The following WNT3 variants were observed in gnomAD, a reference collection of about 807,000 sequenced individuals.
WNT3 encodes the protein proto-oncogene Wnt-3.
WNT3 carries 7 observed loss-of-function variants against 34.2 expected under a neutral mutation model. That is an observed-to-expected ratio of 0.20 (90% CI 0.12 to 0.38). WNT3 has a LOEUF of 0.38. Among genes scored for constraint, WNT3 ranks in the 10% least tolerant of loss-of-function variants. The pLI is 1.00. For synonymous variants in WNT3, 212 were observed against 211.5 expected, an observed-to-expected ratio of 1.00 and a Z score of -0.02; for missense variants, 267 against 499.8, an observed-to-expected ratio of 0.53 and a Z score of 4.44.
chr17:46,792,928 C>A (rs1279502772), intron 1 of WNT3, among the ~76,000 whole-genome samples: 1 of 151,826 alleles, frequency 6.6e-6, no homozygotes, highest in African/African-American at 2.4e-5. Flanking sequence ...AGTGACTCGT[C>A]TAAAGTCACA....
intron 1 of WNT3, among the ~76,000 whole-genome samples, chr17:46,789,892 C>T (rs1315891705): frequency 6.6e-6 from 1 of 152,196 alleles, no homozygotes; most frequent in African/African-American, 2.4e-5. Flanking sequence ...GCAACGATTC[C>T]ACTCTCTACC....
chr17:46,777,300 C>A (rs145844106), intron 1 of WNT3, among the ~76,000 whole-genome samples: 12 of 152,398 alleles, frequency 7.9e-5, no homozygotes, highest in Admixed American at 2.0e-4. Context: ...GAAAGCCAGG[C>A]CGGCTGGCTT....
At chr17:46,799,532 C>G (rs2084098145) in intron 1 of WNT3, among the ~76,000 whole-genome samples, 1 of 151,554 alleles carries the variant, frequency 6.6e-6, no homozygotes, top group South Asian at 2.1e-4. Context: ...ACTGCAACCT[C>G]CGCCTCCCAG....
intron 3 of WNT3, 124 bp downstream of exon 3, chr17:46,769,659 C>T (rs1400672841): frequency 1.5e-6 from 2 of 1,358,746 alleles, no homozygotes; most frequent in Non-Finnish European, 2.0e-6. Flanking sequence ...CAAGCCTGGC[C>T]AAGGGGAAAA....
At chr17:46,786,444 G>A (rs989459225) in intron 1 of WNT3, among the ~76,000 whole-genome samples, 3 of 152,214 alleles carry the variant, frequency 2.0e-5, no homozygotes, top group East Asian at 3.9e-4. Flanking sequence ...GCCCAGAGGG[G>A]TGTCCAGAGA....
intron 1 of WNT3, among the ~76,000 whole-genome samples, chr17:46,806,882 T>C (rs1026238204): frequency 4.6e-5 from 7 of 152,216 alleles, no homozygotes; most frequent in Admixed American, 3.9e-4. Context: ...GCCCTCACGA[T>C]GGCTGCTGGG....
chr17:46,764,528 TCTGACG>T lies in WNT3; in HGVS notation c.*96_*101del, dbSNP rs2059296415. 1 of 152,282 alleles carries T rather than the reference TCTGACG, an allele frequency of 6.6e-6. No individual in the cohort carries two copies. The highest frequency in any genetic ancestry group is 2.4e-5 in the African/African-American group (1 of 41,464). The allele number at this position is 152,282 out of a possible 1,614,324, so 9.4% of individuals were successfully genotyped here. A position where few individuals can be genotyped will look rare whatever the true frequency, so the allele number is the denominator to read the frequency against. On this transcript the variant is annotated 3_prime_UTR_variant, in exon 5 of 5. Transcript: ENST00000225512. ...TGCGGCTGGTGACAGTTCCTTGCTGTCTGACGCTGAGGGCTGTGCCCGGCTCTAGGT... is the reference window on the plus strand; with the variant it reads ...TGCGGCTGGTGACAGTTCCTTGCTGTCTGAGGGCTGTGCCCGGCTCTAGGT...
chr17:46,788,530 C>T (rs548016089), intron 1 of WNT3, among the ~76,000 whole-genome samples: 1 of 152,318 alleles, frequency 6.6e-6, no homozygotes, highest in African/African-American at 2.4e-5. Flanking sequence ...CCTCAAGGTC[C>T]CATGTTTAAA....
rs755339216 is a variant in WNT3, at chr17:46,769,770, T to C, written c.588+13A>G. On this transcript the variant is annotated intron_variant, in intron 3 of 4. Coordinates refer to ENST00000225512, the MANE Select transcript of WNT3 (RefSeq NM_030753.5). The stretch of plus-strand genomic sequence containing the variant: ...TGCTCCCTGAAGGGTTTGGGGAGGG[T>C]AGCCGGGCTCACCGTGCGGCCCGCC... The C allele has an allele frequency of 8.7e-6, 14 of 1,608,278 alleles. No homozygotes were observed. In the African/African-American group the frequency reaches 1.6e-4, roughly 18 times the overall value.
Position 46,818,677 on chromosome 17 carries a change from A to T in WNT3, c.-80T>A. On this transcript the variant is annotated 5_prime_UTR_variant, in exon 1 of 5. Transcript: ENST00000225512. ...GCCCCCAATAGTTGGAACAAAGTCC[A>T]CTTGAGATTGGAAATGACTTTCGGG... 1 of 1,337,130 alleles carries T rather than the reference A, an allele frequency of 7.5e-7. No individual in the cohort carries two copies. The highest frequency in any genetic ancestry group is 1.1e-6 in the Non-Finnish European group (1 of 952,046). 82.8% of individuals were successfully genotyped at this position (1,337,130 alleles called of 1,614,324 possible). A position where few individuals can be genotyped will look rare whatever the true frequency, so the allele number is the denominator to read the frequency against.
intron 1 of WNT3, among the ~76,000 whole-genome samples, chr17:46,791,999 C>A (rs1244476974): frequency 6.6e-6 from 1 of 152,142 alleles, no homozygotes; most frequent in Non-Finnish European, 1.5e-5. Context: ...GTGATTGCAC[C>A]ACTGCACTCC....
chr17:46,775,233 G>C (rs2059403816), intron 1 of WNT3, among the ~76,000 whole-genome samples: 1 of 152,228 alleles, frequency 6.6e-6, no homozygotes, highest in African/African-American at 2.4e-5. Flanking sequence ...CTATCTCCTG[G>C]ACTAGGAAAC....
chr17:46,797,575 A>C (rs2084071204), intron 1 of WNT3, among the ~76,000 whole-genome samples: 1 of 152,226 alleles, frequency 6.6e-6, no homozygotes, highest in Non-Finnish European at 1.5e-5. Flanking sequence ...ACCTCTTTGG[A>C]AAACAGTTTG....
chr17:46,769,010 G>A (rs920765704), intron 3 of WNT3, among the ~76,000 whole-genome samples: 7 of 152,170 alleles, frequency 4.6e-5, no homozygotes, highest in African/African-American at 1.2e-4. Flanking sequence ...TAGACAGCAC[G>A]TCCACTTCTC....
intron 1 of WNT3, among the ~76,000 whole-genome samples, chr17:46,790,788 C>G (rs532219850): frequency 6.6e-6 from 1 of 152,252 alleles, no homozygotes; most frequent in African/African-American, 2.4e-5. Context: ...CACGCCCCTC[C>G]GTTTCCGTCC....
intron 1 of WNT3, among the ~76,000 whole-genome samples, chr17:46,791,528 A>C (rs1246687002): frequency 6.6e-6 from 1 of 152,050 alleles, no homozygotes; most frequent in Non-Finnish European, 1.5e-5. Flanking sequence ...TTCTGACCAG[A>C]AATGGTCCAC....
intron 1 of WNT3, among the ~76,000 whole-genome samples, chr17:46,803,784 C>T (rs1423923705): frequency 1.3e-5 from 2 of 152,206 alleles, no homozygotes. Flanking sequence ...GGCAGTGTGG[C>T]CTGCCCTGGC....
At chr17:46,795,207 C>A (rs917384952) in intron 1 of WNT3, among the ~76,000 whole-genome samples, 1 of 152,168 alleles carries the variant, frequency 6.6e-6, no homozygotes, top group Non-Finnish European at 1.5e-5. Context: ...TCTGCTCCCC[C>A]ATAAACACCC....
chr17:46,779,019 T>G (rs1042052533), intron 1 of WNT3, among the ~76,000 whole-genome samples: 2 of 145,064 alleles, frequency 1.4e-5, no homozygotes, highest in Admixed American at 7.1e-5. Context: ...GTAGTGGTAG[T>G]GTTTTCTCCA....
Sources: gnomAD v4.1 joint callset for allele counts (sites outside exome capture counted in the v4.1 genomes callset) on GRCh38, gnomAD v4.1.1 for gene constraint, MANE v1.5 for transcripts, NCBI Gene and HGNC (gene_info 2026-07-23, HGNC 2026-07-21) for gene names.